SARAF: variants seen among roughly 807,000 people sequenced by gnomAD.
SARAF encodes store-operated calcium entry associated regulatory factor, also known as store-operated calcium entry-associated regulatory factor.
In SARAF, 23 loss-of-function variants were observed where a neutral mutation model predicts 39.7. The observed-to-expected ratio is 0.58, with a 90% confidence interval of 0.42 to 0.82. SARAF has a LOEUF of 0.82. Among genes scored for constraint, SARAF ranks in the 40% least tolerant of loss-of-function variants. The pLI is 0.00. For missense variants in SARAF, 384 were observed against 418.5 expected, an observed-to-expected ratio of 0.92 and a Z score of 0.72; for synonymous variants, 175 against 168.5, an observed-to-expected ratio of 1.04 and a Z score of -0.30.
Position 30,072,444 on chromosome 8 carries a change from G to A in SARAF, c.282+1433C>T, listed in dbSNP as rs1463577657. Among the ~76,000 whole-genome samples, 3 of 152,284 alleles carry A rather than the reference G, an allele frequency of 2.0e-5. No individual in the cohort carries two copies. In the East Asian group the frequency reaches 5.8e-4, roughly 29 times the overall value. On this transcript the variant is annotated intron_variant, in intron 2 of 5. Transcript: ENST00000256255. Reference sequence around the variant, plus strand: ...CAAAAGTTTTTCATTTGGATAAGATGCAGTTTTTCTTTTGTTGCTGTTACT... The same window carrying A: ...CAAAAGTTTTTCATTTGGATAAGATACAGTTTTTCTTTTGTTGCTGTTACT...
At chr8:30,078,137 C>T (rs1224180174) in intron 1 of SARAF, 1 of 108,550 alleles carries the variant, frequency 9.2e-6, no homozygotes, top group Non-Finnish European at 1.6e-5. Flanking sequence ...TAGACTCCGT[C>T]TCAAAAAAAA....
chr8:30,067,672 G>A (rs537192128), intron 3 of SARAF, among the ~76,000 whole-genome samples: 26 of 152,302 alleles, frequency 1.7e-4, no homozygotes, highest in Non-Finnish European at 3.1e-4. Flanking sequence ...ACATCATTAT[G>A]TCTATGGGAG....
intron 3 of SARAF, among the ~76,000 whole-genome samples, chr8:30,067,407 C>CAT (rs1327050931): frequency 6.6e-6 from 1 of 152,090 alleles, no homozygotes; most frequent in Non-Finnish European, 1.5e-5. Flanking sequence ...CTGATGTATA[C>CAT]ATATATATAA....
chr8:30,064,337 TGC>T (rs1349321434), intron 5 of SARAF, among the ~76,000 whole-genome samples: 1 of 131,142 alleles, frequency 7.6e-6, no homozygotes, highest in African/African-American at 3.0e-5. Context: ...TAAGACACTG[TGC>T]GCACACACAC....
rs1801609666 is a variant in SARAF, at chr8:30,063,810, G to A, written c.*78C>T. ...ATCCCCTTTTCCCAATTGTTAACAG[G>A]TAGTACTTTTTTTCTAAAGAGAAAG... On this transcript the variant is annotated 3_prime_UTR_variant, in exon 6 of 6. Coordinates refer to ENST00000256255, the MANE Select transcript of SARAF (RefSeq NM_016127.6). 1 of 1,201,152 alleles carries A rather than the reference G, an allele frequency of 8.3e-7. No homozygotes were observed. Among genetic ancestry groups the A allele is most frequent in the Admixed American group, 1.7e-5 (1 of 59,166 alleles). 74.4% of individuals were successfully genotyped at this position (1,201,152 alleles called of 1,614,324 possible).
intron 2 of SARAF, among the ~76,000 whole-genome samples, chr8:30,071,376 T>TA (rs1386169666): frequency 6.6e-6 from 1 of 152,190 alleles, no homozygotes; most frequent in African/African-American, 2.4e-5. Flanking sequence ...AGACACAAGC[T>TA]AAAGTAGATT....
At chr8:30,073,160 A>G (rs1027202008) in intron 2 of SARAF, among the ~76,000 whole-genome samples, 1 of 152,226 alleles carries the variant, frequency 6.6e-6, no homozygotes, top group East Asian at 1.9e-4. Flanking sequence ...AGGTTGTATC[A>G]AACAAGAATA....
chr8:30,072,475 G>C (rs1801868975), intron 2 of SARAF, among the ~76,000 whole-genome samples: 1 of 152,120 alleles, frequency 6.6e-6, no homozygotes, highest in Non-Finnish European at 1.5e-5. Context: ...TTACTACACT[G>C]TTTTTAAAAT....
At chr8:30,069,115 A>G (rs1308052827) in intron 3 of SARAF, among the ~76,000 whole-genome samples, 2 of 141,800 alleles carry the variant, frequency 1.4e-5, no homozygotes, top group Non-Finnish European at 3.0e-5. Context: ...GATTAAGAGT[A>G]TTTATAATTT....
intron 1 of SARAF, among the ~76,000 whole-genome samples, chr8:30,077,054 G>C (rs1442868822): frequency 6.6e-6 from 1 of 152,146 alleles, no homozygotes; most frequent in Non-Finnish European, 1.5e-5. Context: ...AATATCCTCA[G>C]AGAGATAAGA....
chr8:30,078,834 G>A (rs1802034324), intron 1 of SARAF, among the ~76,000 whole-genome samples: 1 of 152,024 alleles, frequency 6.6e-6, no homozygotes, highest in African/African-American at 2.4e-5. Flanking sequence ...AGAACACATA[G>A]GTTACCAGAT....
chr8:30,067,289 T>C (rs1401332190), intron 3 of SARAF, among the ~76,000 whole-genome samples: 12 of 152,186 alleles, frequency 7.9e-5, no homozygotes, highest in Non-Finnish European at 1.5e-4. Flanking sequence ...TGCCTCAGTC[T>C]CTAACCGAGG....
At chr8:30,074,121 T>C in intron 1 of SARAF, 66 bp from the exon 2 acceptor site, 1 of 1,535,732 alleles carries the variant, frequency 6.5e-7, no homozygotes, top group African/African-American at 1.4e-5. Flanking sequence ...AGGTTCATCC[T>C]AACGAAACTC....
intron 1 of SARAF, among the ~76,000 whole-genome samples, chr8:30,080,321 A>G (rs1802069207): frequency 1.3e-5 from 2 of 152,232 alleles, no homozygotes. Flanking sequence ...TCCACAGAGC[A>G]GCCCAAATGA....
At chr8:30,069,605 A>G (rs2117426848) in intron 3 of SARAF, 37 bp downstream of exon 3, 1 of 1,592,984 alleles carries the variant, frequency 6.3e-7, no homozygotes, top group South Asian at 1.1e-5. Flanking sequence ...CTAACCTCAC[A>G]CCCGCTCTAT....
chr8:30,073,402 G>T (rs1238125728), intron 2 of SARAF, among the ~76,000 whole-genome samples: 1 of 152,196 alleles, frequency 6.6e-6, no homozygotes, highest in East Asian at 1.9e-4. Context: ...AATGAAACCT[G>T]CCGAAATGCT....
chr8:30,070,640 A>C (rs551872688), intron 2 of SARAF, among the ~76,000 whole-genome samples: 2 of 152,350 alleles, frequency 1.3e-5, no homozygotes, highest in East Asian at 3.9e-4. Context: ...CCATCTGAAC[A>C]TATTAAGTAT....
chr8:30,072,011 T>C (rs1801859436), intron 2 of SARAF, among the ~76,000 whole-genome samples: 1 of 152,154 alleles, frequency 6.6e-6, no homozygotes. Flanking sequence ...AACTCTACAT[T>C]TAAACTTTTG....
At chr8:30,066,232 T>A in intron 4 of SARAF, 93 bp from the exon 5 acceptor site, 11 of 1,290,080 alleles carry the variant, frequency 8.5e-6, no homozygotes, top group Non-Finnish European at 1.2e-5. Flanking sequence ...AAAAAATATC[T>A]TTATCAAGTA....
Sources: gnomAD v4.1 joint callset for allele counts (sites outside exome capture counted in the v4.1 genomes callset) on GRCh38, gnomAD v4.1.1 for gene constraint, MANE v1.5 for transcripts, NCBI Gene and HGNC (gene_info 2026-07-23, HGNC 2026-07-21) for gene names.